Variants in RUNX1 observed in about 807,000 individuals in gnomAD.
RUNX1 encodes the protein RUNX family transcription factor 1.
RUNX1 carries 19 observed loss-of-function variants against 42.8 expected under a neutral mutation model. The observed-to-expected ratio is 0.44, with a 90% CI of 0.31 to 0.65. The LOEUF (loss-of-function observed/expected upper bound fraction) is 0.65. Among genes scored for constraint, RUNX1 ranks in the 30% least tolerant of loss-of-function variants. RUNX1 has a pLI of 0.07. For missense variants in RUNX1, 528 were observed against 672.0 expected (o/e 0.79, Z 2.37); for synonymous variants, 271 against 289.4 (o/e 0.94, Z 0.64).
At chr21:34,950,650 T>C (rs2058600318) in intron 2 of RUNX1, among the ~76,000 whole-genome samples, 1 of 152,206 alleles carries the variant, frequency 6.6e-6, no homozygotes, top group Non-Finnish European at 1.5e-5. Flanking sequence ...GGTAGGAGAA[T>C]CACTTGAAAC....
Position 34,788,026 on chromosome 21 carries a change from C to A in RUNX1, c.*4109G>T. On this transcript the variant is annotated 3_prime_UTR_variant, in exon 9 of 9. Coordinates refer to ENST00000675419, the MANE Select transcript of RUNX1 (RefSeq NM_001754.5). Reference sequence around the variant, plus strand: ...TGTGGACAGTGCAGTGCCTGCTCTCCTGTGCTATCTAGAAACACCTTGGAG... The same window carrying A: ...TGTGGACAGTGCAGTGCCTGCTCTCATGTGCTATCTAGAAACACCTTGGAG... 1 of 233,314 alleles carries A rather than the reference C, an allele frequency of 4.3e-6. No homozygotes were observed. The highest frequency in any genetic ancestry group is 8.5e-6 in the Non-Finnish European group (1 of 118,050). 14.5% of individuals were successfully genotyped at this position (233,314 alleles called of 1,614,324 possible).
chr21:34,925,109 C>A (rs1477849192), intron 2 of RUNX1, among the ~76,000 whole-genome samples: 1 of 152,166 alleles, frequency 6.6e-6, no homozygotes. Flanking sequence ...CCAGTGAGTT[C>A]TATGCAGGTG....
intron 2 of RUNX1, among the ~76,000 whole-genome samples, chr21:34,902,697 T>C (rs2058186759): frequency 6.6e-6 from 1 of 152,114 alleles, no homozygotes; most frequent in South Asian, 2.1e-4. Flanking sequence ...TCTCATAAGG[T>C]AGAGGAACCT....
At chr21:34,851,712 C>A (rs570539919) in intron 6 of RUNX1, among the ~76,000 whole-genome samples, 1 of 152,140 alleles carries the variant, frequency 6.6e-6, no homozygotes, top group Admixed American at 6.5e-5. Context: ...AGGGTCCAGA[C>A]GGAAAGAGAA....
chr21:35,024,299 AG>A (rs2059220527), intron 2 of RUNX1, among the ~76,000 whole-genome samples: 1 of 152,230 alleles, frequency 6.6e-6, no homozygotes. Context: ...GCATTGCAGA[AG>A]GCAGCCCATC....
In RUNX1 at chr21:34,792,085, G is replaced by A. The variant is rs1176085747; in HGVS notation, c.*50C>T. 5.9e-6 allele frequency: 7 copies of A among 1,196,336 alleles called. No individual in the cohort carries two copies. The East Asian group carries it at 1.0e-4, about 18-fold the overall frequency. The allele number at this position is 1,196,336 out of a possible 1,614,324, so 74.1% of individuals were successfully genotyped here. A position where few individuals can be genotyped will look rare whatever the true frequency, so the allele number is the denominator to read the frequency against. On this transcript the variant is annotated 3_prime_UTR_variant, in exon 9 of 9. Transcript: ENST00000675419. The surrounding 1 kb of genome is among the most constrained non-coding windows in gnomAD (Gnocchi z 6.9). ...TCGCGAACAGGAGGCCCGCGCGCCC[G>A]GAGGCGAAGGCGGCGGCCCGCGGGG...
Position 34,930,270 on chromosome 21 carries a change from G to A in RUNX1, c.59-37307C>T, listed in dbSNP as rs866529397. Among the ~76,000 whole-genome samples, 195 of 123,010 alleles carry A rather than the reference G, an allele frequency of 1.6e-3. 1 individual carries two copies. The highest frequency in any genetic ancestry group is 3.0e-3 in the Admixed American group (35 of 11,724). The allele number at this position is 123,010 out of a possible 152,430, so 80.7% of individuals were successfully genotyped here. ...ATGTATATTATACGTGTGTGTGTAT[G>A]TATATATATATATATATATATAAAT... On this transcript the variant is annotated intron_variant, in intron 2 of 8. Transcript: ENST00000675419.
At chr21:34,994,239 A>T (rs75247815) in intron 2 of RUNX1, among the ~76,000 whole-genome samples, 3 of 146,522 alleles carry the variant, frequency 2.0e-5, no homozygotes, top group East Asian at 3.9e-4. Flanking sequence ...TAAGAAAATT[A>T]AAAAAAAAAC....
At chr21:35,027,516 T>C (rs920197447) in intron 2 of RUNX1, among the ~76,000 whole-genome samples, 6 of 152,250 alleles carry the variant, frequency 3.9e-5, no homozygotes, top group Non-Finnish European at 7.3e-5. Flanking sequence ...GCTGTATTTA[T>C]TCCTGAGGCC....
intron 2 of RUNX1, among the ~76,000 whole-genome samples, chr21:35,044,727 G>A (rs368920375): frequency 2.5e-4 from 38 of 152,274 alleles, no homozygotes; most frequent in South Asian, 2.5e-3. Context: ...TGTGCACAGC[G>A]GCTGTGCAGC....
intron 3 of RUNX1, among the ~76,000 whole-genome samples, chr21:34,890,125 G>A (rs1455052257): frequency 6.6e-6 from 1 of 152,064 alleles, no homozygotes; most frequent in Non-Finnish European, 1.5e-5. Context: ...AGGGGGCCGG[G>A]GTTGACTGGC....
chr21:35,026,860 C>T (rs535375893), intron 2 of RUNX1, among the ~76,000 whole-genome samples: 2 of 152,364 alleles, frequency 1.3e-5, no homozygotes, highest in Non-Finnish European at 1.5e-5. Flanking sequence ...GCCGCAGCGA[C>T]GGAACTTCTG....
At chr21:34,826,056 C>G (rs993133357) in intron 7 of RUNX1, among the ~76,000 whole-genome samples, 4 of 152,152 alleles carry the variant, frequency 2.6e-5, no homozygotes, top group Non-Finnish European at 5.9e-5. Flanking sequence ...TTGTTTTAAG[C>G]CACCAAGTTT....
intron 6 of RUNX1, among the ~76,000 whole-genome samples, chr21:34,852,025 G>A (rs947965343): frequency 5.3e-5 from 8 of 152,042 alleles, no homozygotes; most frequent in African/African-American, 7.2e-5. Flanking sequence ...AAAATTAGCC[G>A]GGCGTGGTGG....
At chr21:34,809,609 G>C (rs1569016330) in intron 7 of RUNX1, among the ~76,000 whole-genome samples, 2 of 152,254 alleles carry the variant, frequency 1.3e-5, no homozygotes, top group East Asian at 3.9e-4. Context: ...TTGGGAGACT[G>C]TCATCTCCAA....
chr21:34,884,438 T>C (rs759888509), intron 4 of RUNX1, among the ~76,000 whole-genome samples: 3 of 152,166 alleles, frequency 2.0e-5, no homozygotes, highest in Non-Finnish European at 4.4e-5. Context: ...CTCTTTACCA[T>C]AGGGAATATA....
Position 34,788,956 on chromosome 21 carries a change from A to G in RUNX1, c.*3179T>C, listed in dbSNP as rs952493289. 1.3e-5 allele frequency: 3 copies of G among 233,256 alleles called. No homozygotes were observed. The highest frequency in any genetic ancestry group is 2.5e-5 in the Non-Finnish European group (3 of 118,088). 14.4% of individuals were successfully genotyped at this position (233,256 alleles called of 1,614,324 possible). ...GCAGAAATCTGCAATCCTAAATTGC[A>G]GGACATTTGAGTGGAACCATTCATT... On this transcript the variant is annotated 3_prime_UTR_variant, in exon 9 of 9. Transcript: ENST00000675419.
intron 7 of RUNX1, among the ~76,000 whole-genome samples, chr21:34,803,488 A>G (rs2056636558): frequency 6.6e-6 from 1 of 152,090 alleles, no homozygotes; most frequent in South Asian, 2.1e-4. Context: ...TGGAGCTTGC[A>G]GTGAGCCAAG....
intron 2 of RUNX1, among the ~76,000 whole-genome samples, chr21:35,003,244 G>A (rs763568541): frequency 6.6e-6 from 1 of 152,214 alleles, no homozygotes; most frequent in Non-Finnish European, 1.5e-5. Flanking sequence ...CATGTGAGTG[G>A]AGATGCAGTT....
Sources: gnomAD v4.1 joint callset for allele counts (sites outside exome capture counted in the v4.1 genomes callset) on GRCh38, gnomAD v4.1.1 for gene constraint, Gnocchi (gnomAD v3.1) non-coding constraint, MANE v1.5 for transcripts, NCBI Gene and HGNC (gene_info 2026-07-23, HGNC 2026-07-21) for gene names.